The following ZNF566 variants were observed in gnomAD, a reference collection of about 807,000 sequenced individuals.
The protein encoded by ZNF566 is zinc finger protein 566.
ZNF566 carries 27 observed loss-of-function variants against 32.8 expected under a neutral mutation model. The observed-to-expected ratio is 0.82, with a 90% CI of 0.61 to 1.14. ZNF566 has a LOEUF of 1.14. ZNF566 is among the 50% of genes most tolerant of loss of function. The pLI is 0.00. For missense variants in ZNF566, 402 were observed against 490.4 expected (o/e 0.82, Z 1.70); for synonymous variants, 154 against 159.5 (o/e 0.97, Z 0.26).
intron 4 of ZNF566, among the ~76,000 whole-genome samples, chr19:36,459,084 G>A (rs1313165913): frequency 6.6e-6 from 1 of 152,002 alleles, no homozygotes; most frequent in Non-Finnish European, 1.5e-5. Context: ...GGAATGAATT[G>A]TTTAAAAAAC....
At chr19:36,486,202 T>G (rs1228671414) in intron 1 of ZNF566, among the ~76,000 whole-genome samples, 1 of 152,112 alleles carries the variant, frequency 6.6e-6, no homozygotes, top group East Asian at 1.9e-4. Flanking sequence ...ACAATACAAT[T>G]CAATGCAGGA....
At chr19:36,457,763 C>T (rs1306437242) in intron 4 of ZNF566, among the ~76,000 whole-genome samples, 1 of 152,118 alleles carries the variant, frequency 6.6e-6, no homozygotes, top group East Asian at 1.9e-4. Flanking sequence ...TAGTGGAGGG[C>T]ACTTGTAATC....
intron 4 of ZNF566, among the ~76,000 whole-genome samples, chr19:36,472,072 C>T (rs907555120): frequency 1.3e-5 from 2 of 152,124 alleles, no homozygotes; most frequent in African/African-American, 4.8e-5. Flanking sequence ...ACTGTAACCT[C>T]AGTGTTGAGA....
At position 36,464,553 on chromosome 19, in the gene ZNF566, G is replaced by A. The variant is rs868608048; in HGVS notation, c.232+8358C>T. On this transcript the variant is annotated intron_variant, in intron 4 of 4. Transcript: ENST00000452939. ...ATTAATAGGTCTTTAATAAGAAAGC[G>A]GAAACATAAAAATTCTTGGGAGTTC... Among the ~76,000 whole-genome samples the A allele has an allele frequency of 2.1e-4, 32 of 152,138 alleles. 1 individual carries two copies. The highest frequency in any genetic ancestry group is 3.4e-3 in the Middle Eastern group (1 of 294).
intron 1 of ZNF566, among the ~76,000 whole-genome samples, chr19:36,481,681 T>C (rs1405944566): frequency 6.6e-6 from 1 of 152,040 alleles, no homozygotes; most frequent in Non-Finnish European, 1.5e-5. Context: ...TACAAAGCAC[T>C]TACCTTTTGA....
At chr19:36,458,792 T>C (rs1306612757) in intron 4 of ZNF566, among the ~76,000 whole-genome samples, 1 of 152,248 alleles carries the variant, frequency 6.6e-6, no homozygotes, top group Non-Finnish European at 1.5e-5. Flanking sequence ...GGCTTGATTA[T>C]GGTAATCATT....
Position 36,448,980 on chromosome 19 carries a change from C to A in ZNF566, c.1254G>T (p.Trp418Cys), listed in dbSNP as rs2033065006. 6.4e-7 allele frequency: 1 copy of A among 1,573,096 alleles called. No individual in the cohort carries two copies. Among genetic ancestry groups the A allele is most frequent in the Non-Finnish European group, 8.6e-7 (1 of 1,163,450 alleles). Reference protein sequence around the residue: ...PQLIQHQNLYW With the variant: ...PQLIQHQNLYC ...ACATTTCATATATTCTGTTTCATCACCAGTACAAATTTTGATGCTGAATAA... is the reference window on the plus strand; with the variant it reads ...ACATTTCATATATTCTGTTTCATCAACAGTACAAATTTTGATGCTGAATAA... The change falls in exon 5 of 5, where the codon TGG becomes TGT. Residue 418 changes from tryptophan (W) to cysteine (C), a missense_variant. Around this residue, in one of 3 missense-constraint regions of ZNF566, gnomAD observed 47 missense variants for 38.5 expected, o/e 1.22. Coordinates refer to ENST00000452939, the MANE Select transcript of ZNF566 (RefSeq NM_001145344.1).
intron 2 of ZNF566, among the ~76,000 whole-genome samples, chr19:36,474,090 G>A (rs763316969): frequency 2.0e-5 from 3 of 152,190 alleles, no homozygotes; most frequent in Non-Finnish European, 4.4e-5. Flanking sequence ...GACTCAAGAA[G>A]AGTTTCTTCA....
intron 1 of ZNF566, among the ~76,000 whole-genome samples, chr19:36,477,663 T>G (rs1472453327): frequency 6.6e-6 from 1 of 151,050 alleles, no homozygotes; most frequent in East Asian, 2.0e-4. Flanking sequence ...CTCAGCCTCC[T>G]AAGTAGCTGG....
chr19:36,461,539 G>A (rs1042777206), intron 4 of ZNF566, among the ~76,000 whole-genome samples: 8 of 151,970 alleles, frequency 5.3e-5, no homozygotes, highest in South Asian at 2.1e-4. Flanking sequence ...GCTTAGTGGC[G>A]TGCACCTGTA....
chr19:36,473,461 G>T lies in ZNF566; in HGVS notation c.10-3C>A. The stretch of plus-strand genomic sequence containing the variant: ...ACATCACTGAACATCACTGACTCCT[G>T]GAACAATAACCACGTATATGACTTC... On this transcript the variant is annotated splice_region_variant and splice_polypyrimidine_tract_variant and intron_variant, in intron 2 of 4. Transcript: ENST00000452939. The T allele has an allele frequency of 6.3e-7, 1 of 1,578,068 alleles. No individual in the cohort carries two copies. Among genetic ancestry groups the T allele is most frequent in the Non-Finnish European group, 8.6e-7 (1 of 1,164,894 alleles).
rs903594735 is a variant in ZNF566 at position 36,489,493 on chromosome 19, C to G, written c.-67G>C. On this transcript the variant is annotated 5_prime_UTR_variant, in exon 1 of 5. Coordinates refer to ENST00000452939, the MANE Select transcript of ZNF566 (RefSeq NM_001145344.1). ...TCTCACCTCAGGCCTTACCAGCTTT[C>G]GAAGCAGCAGAACCCTCCCCGGCAC... The G allele has an allele frequency of 5.9e-6, 2 of 337,634 alleles. No homozygotes were observed. The allele number at this position is 337,634 out of a possible 1,614,324, so 20.9% of individuals were successfully genotyped here. A position where few individuals can be genotyped will look rare whatever the true frequency, so the allele number is the denominator to read the frequency against.
chr19:36,451,573 C>A (rs1419404141), intron 4 of ZNF566, among the ~76,000 whole-genome samples: 2 of 152,128 alleles, frequency 1.3e-5, no homozygotes, highest in Non-Finnish European at 2.9e-5. Context: ...GCGTTTTATA[C>A]TCAAACTTGA....
At chr19:36,488,919 A>G (rs1196190977) in intron 1 of ZNF566, among the ~76,000 whole-genome samples, 1 of 152,168 alleles carries the variant, frequency 6.6e-6, no homozygotes, top group Non-Finnish European at 1.5e-5. Flanking sequence ...ACATTCAGCT[A>G]CAGACAATCC....
intron 4 of ZNF566, among the ~76,000 whole-genome samples, chr19:36,455,397 C>G (rs1327637068): frequency 6.6e-6 from 1 of 151,908 alleles, no homozygotes; most frequent in African/African-American, 2.4e-5. Context: ...AAAAGGCATC[C>G]AAATTCAAAA....
intron 4 of ZNF566, among the ~76,000 whole-genome samples, chr19:36,468,741 C>T (rs1026988872): frequency 6.6e-6 from 1 of 151,432 alleles, no homozygotes. Flanking sequence ...GGCAAAACCC[C>T]GTCTCTACAA....
At chr19:36,471,709 T>C (rs1285771879) in intron 4 of ZNF566, among the ~76,000 whole-genome samples, 2 of 152,086 alleles carry the variant, frequency 1.3e-5, no homozygotes, top group Admixed American at 1.3e-4. Flanking sequence ...CTCCCTACAC[T>C]GTGGGGTAGG....
intron 1 of ZNF566, among the ~76,000 whole-genome samples, chr19:36,481,491 A>AG (rs71171446): frequency 0.2 from 27,258 of 133,650 alleles, 3,022 homozygotes; most frequent in South Asian, 0.31. Context: ...AAAAAAAAAA[A>AG]AAAAGAAAAG....
chr19:36,446,188 C>G lies in ZNF566; in HGVS notation c.*2789G>C, dbSNP rs1044131347. 6.6e-6 allele frequency: 1 copy of G among 151,724 alleles called. No individual in the cohort carries two copies. Among genetic ancestry groups the G allele is most frequent in the African/African-American group, 2.4e-5 (1 of 41,384 alleles). The allele number at this position is 151,724 out of a possible 1,614,324, so 9.4% of individuals were successfully genotyped here. On this transcript the variant is annotated 3_prime_UTR_variant, in exon 5 of 5. Transcript: ENST00000452939. Reference sequence around the variant, plus strand: ...GAAATATATGGGTAATATACACAACCTTTAAATATTATTCAGAAGAAAATT... The same window carrying G: ...GAAATATATGGGTAATATACACAACGTTTAAATATTATTCAGAAGAAAATT...
Sources: gnomAD v4.1 joint callset for allele counts (sites outside exome capture counted in the v4.1 genomes callset) on GRCh38, gnomAD v4.1.1 for gene constraint, gnomAD v4.1.1 regional missense constraint, MANE v1.5 for transcripts, NCBI Gene and HGNC (gene_info 2026-07-23, HGNC 2026-07-21) for gene names.